HAPLN1: variants seen among roughly 807,000 people sequenced by gnomAD.
The protein encoded by HAPLN1 is Cartilage link protein.
In HAPLN1, 13 loss-of-function variants were observed where a neutral mutation model predicts 36.5. The observed-to-expected ratio is 0.36, with a 90% CI of 0.23 to 0.57. The LOEUF (loss-of-function observed/expected upper bound fraction) is 0.57, where lower values mean the gene tolerates loss of function less well. HAPLN1 is among the 20% of genes least tolerant of loss of function. The probability of loss-of-function intolerance (pLI) is 0.83; values close to 1 mark genes in which losing one functional copy is unlikely to be tolerated. For missense variants in HAPLN1, 407 were observed against 439.7 expected (o/e 0.93, Z 0.66); for synonymous variants, 202 against 169.8 (o/e 1.19, Z -1.48).
chr5:83,644,578 A>C lies in HAPLN1; in HGVS notation c.560T>G (p.Val187Gly). Residue 187 changes from valine to glycine, a missense_variant, in exon 4 of 5, where the codon GTG becomes GGG. Transcript: ENST00000274341. The stretch of plus-strand genomic sequence containing the variant: ...GTACAGCTGGTCGAAGGAGGCGATC[A>C]CAGCATCCTGGTCCAGACACGCCTG... ...AQQACLDQDAVIASFDQLYDA... is the reference protein window; with the variant it reads ...AQQACLDQDAGIASFDQLYDA... 1 of 1,592,284 alleles carries C rather than the reference A, an allele frequency of 6.3e-7. No homozygotes were observed.
chr5:83,650,145 A>G (rs1373286453), intron 3 of HAPLN1, among the ~76,000 whole-genome samples: 1 of 152,196 alleles, frequency 6.6e-6, no homozygotes, highest in Admixed American at 6.5e-5. Flanking sequence ...CTACCAAAAG[A>G]AAATTTCTCC....
chr5:83,716,676 G>A (rs143492648), intron 1 of HAPLN1, among the ~76,000 whole-genome samples: 202 of 152,264 alleles, frequency 1.3e-3, no homozygotes, highest in African/African-American at 4.6e-3. Flanking sequence ...TGTAAAGTTT[G>A]TTCTTGTCTA....
intron 1 of HAPLN1, chr5:83,686,165 GAAATGTCAAGACTTGAGGTC>G (rs1751119735): frequency 5.9e-5 from 4 of 67,772 alleles, no homozygotes; most frequent in African/African-American, 2.2e-4. Flanking sequence ...AAAAAAAAAA[GAAATGTCAAGACTTGAGGTC>G]AAATTACCGA....
At chr5:83,709,222 G>A (rs1001832155) in intron 1 of HAPLN1, among the ~76,000 whole-genome samples, 4 of 152,184 alleles carry the variant, frequency 2.6e-5, no homozygotes, top group Non-Finnish European at 5.9e-5. Context: ...CTAACTAAAT[G>A]TGTAAGTAGT....
intron 2 of HAPLN1, among the ~76,000 whole-genome samples, 190 bp from the exon 3 acceptor site, chr5:83,653,014 G>C (rs1353738254): frequency 2.0e-5 from 3 of 152,076 alleles, no homozygotes; most frequent in African/African-American, 7.2e-5. Context: ...CTCTAAAGTA[G>C]TCATTTTTAA....
intron 3 of HAPLN1, among the ~76,000 whole-genome samples, chr5:83,651,220 C>T (rs1750053170): frequency 6.6e-6 from 1 of 151,988 alleles, no homozygotes; most frequent in South Asian, 2.1e-4. Flanking sequence ...AGTGATCTGC[C>T]CCAGTTACAA....
intron 1 of HAPLN1, among the ~76,000 whole-genome samples, chr5:83,694,547 TAATG>T (rs1270342024): frequency 1.2e-4 from 19 of 152,104 alleles, no homozygotes; most frequent in Admixed American, 9.2e-4. Context: ...ATTATCAATA[TAATG>T]AATGAAGTAG....
intron 4 of HAPLN1, among the ~76,000 whole-genome samples, chr5:83,643,127 C>G (rs983676455): frequency 7.9e-5 from 12 of 151,968 alleles, no homozygotes; most frequent in African/African-American, 2.9e-4. Context: ...AGTTGGAGAC[C>G]AGCCTGGCCA....
At chr5:83,668,960 A>G (rs941407754) in intron 2 of HAPLN1, among the ~76,000 whole-genome samples, 1 of 152,220 alleles carries the variant, frequency 6.6e-6, no homozygotes, top group Non-Finnish European at 1.5e-5. Flanking sequence ...ACTTACAGAC[A>G]TAAACTTCTG....
At position 83,641,547 on chromosome 5, in the gene HAPLN1, T is replaced by C. The variant is rs1300079089; in HGVS notation, c.1014A>G (p.Pro338=). 7.4e-6 allele frequency: 12 copies of C among 1,614,036 alleles called. No individual in the cohort carries two copies. The highest frequency in any genetic ancestry group is 1.7e-5 in the Admixed American group (1 of 60,024). Residue 338 remains proline, a synonymous_variant, in exon 5 of 5, where the codon CCA becomes CCG. Coordinates refer to ENST00000274341, the MANE Select transcript of HAPLN1 (RefSeq NM_001884.4). ...TEAAVRFVGF[P]DKKHKLYGVY... ...CACCATACAGCTTATGCTTTTTATC[T>C]GGGAAACCCACGAAGCGCACTGCAG... is the stretch of plus-strand genomic sequence containing the variant.
intron 3 of HAPLN1, among the ~76,000 whole-genome samples, chr5:83,646,747 G>GC (rs772829164): frequency 7.9e-4 from 121 of 152,356 alleles, no homozygotes; most frequent in Non-Finnish European, 1.3e-3. Context: ...GGAGGGCTCT[G>GC]CCCAGGCACT....
At position 83,644,353 on chromosome 5, in the gene HAPLN1, A is replaced by T. The variant is rs1194196092; in HGVS notation, c.775+10T>A. ...AGATAGGAAAGAAGGCAGTACAGTT[A>T]TTATCTTACCATTGAAATTGGATGT... On this transcript the variant is annotated intron_variant, in intron 4 of 4. Transcript: ENST00000274341. The T allele has an allele frequency of 1.3e-6, 2 of 1,539,732 alleles. No homozygotes were observed. Among genetic ancestry groups the T allele is most frequent in the Non-Finnish European group, 8.8e-7 (1 of 1,141,236 alleles).
intron 2 of HAPLN1, among the ~76,000 whole-genome samples, chr5:83,668,838 G>T (rs1230191228): frequency 2.6e-5 from 4 of 152,222 alleles, no homozygotes; most frequent in Admixed American, 2.6e-4. Context: ...GACTGAACCA[G>T]ATTTGAAGAA....
chr5:83,704,943 C>T (rs1348341413), intron 1 of HAPLN1, among the ~76,000 whole-genome samples: 1 of 152,176 alleles, frequency 6.6e-6, no homozygotes, highest in Admixed American at 6.5e-5. Context: ...CCGAAAACAA[C>T]AGAATATACA....
In HAPLN1 at chr5:83,686,814, G is replaced by A. The variant is rs535000711; in HGVS notation, c.-26-13265C>T. Among the ~76,000 whole-genome samples the A allele has an allele frequency of 4.6e-5, 7 of 152,240 alleles. No homozygotes were observed. The East Asian group carries it at 1.4e-3, about 29-fold the overall frequency. ...ACAGCAGGTGGGGTGCAAAGTGACA[G>A]AAAACAAAAGAAGGTCACTTAAATT... On this transcript the variant is annotated intron_variant, in intron 1 of 4. Transcript: ENST00000274341.
intron 4 of HAPLN1, among the ~76,000 whole-genome samples, chr5:83,642,654 G>A (rs968804969): frequency 1.3e-5 from 2 of 152,082 alleles, no homozygotes; most frequent in East Asian, 3.9e-4. Context: ...AGACTCTCTT[G>A]CCTGATTAGA....
At chr5:83,680,743 CA>C (rs1304486595) in intron 1 of HAPLN1, among the ~76,000 whole-genome samples, 3 of 152,112 alleles carry the variant, frequency 2.0e-5, no homozygotes, top group Non-Finnish European at 4.4e-5. Flanking sequence ...AAAAACTAGA[CA>C]ACCAATATGA....
intron 1 of HAPLN1, among the ~76,000 whole-genome samples, chr5:83,678,207 T>A (rs1750904654): frequency 1.5e-5 from 2 of 133,478 alleles, no homozygotes; most frequent in Admixed American, 1.6e-4. Flanking sequence ...TTTTCCTTTT[T>A]ATCTATAGTT....
At chr5:83,693,212 G>T (rs756388503) in intron 1 of HAPLN1, among the ~76,000 whole-genome samples, 5 of 151,688 alleles carry the variant, frequency 3.3e-5, no homozygotes, top group Non-Finnish European at 5.9e-5. Flanking sequence ...TGAAGCCAAA[G>T]AAAATAAAAT....
Sources: allele counts gnomAD v4.1 joint callset (sites outside exome capture counted in the v4.1 genomes callset), GRCh38; gene constraint gnomAD v4.1.1; transcripts MANE v1.5; gene names NCBI Gene and HGNC (gene_info 2026-07-23, HGNC 2026-07-21).